RAB20: variants seen among roughly 807,000 people sequenced by gnomAD.
The protein encoded by RAB20 is ras-related protein Rab-20.
In RAB20, 2 loss-of-function variants were observed where a neutral mutation model predicts 3.7. That is an observed-to-expected ratio of 0.54 (90% CI 0.22 to 1.69). RAB20 has a LOEUF of 1.69. Among genes scored for constraint, RAB20 ranks in the 40% most tolerant of loss-of-function variants. RAB20 has a pLI of 0.19. For synonymous variants in RAB20, 126 were observed against 130.8 expected (o/e 0.96, Z 0.25); for missense variants, 276 against 311.9 (o/e 0.88, Z 0.87).
intron 1 of RAB20, among the ~76,000 whole-genome samples, chr13:110,552,079 A>T (rs1566591089): frequency 1.3e-5 from 2 of 152,014 alleles, no homozygotes; most frequent in Admixed American, 6.6e-5. Context: ...CCTGTCTCAA[A>T]AAATAAATAA....
At chr13:110,561,228 G>A (rs1885123201) in intron 1 of RAB20, 120 bp downstream of exon 1, 1 of 1,259,622 alleles carries the variant, frequency 7.9e-7, no homozygotes, top group East Asian at 3.0e-5. Context: ...CCCCGAGAAG[G>A]AGGCATTTGC....
chr13:110,530,696 C>T (rs1884522053), intron 1 of RAB20, among the ~76,000 whole-genome samples: 1 of 141,022 alleles, frequency 7.1e-6, no homozygotes, highest in Non-Finnish European at 1.5e-5. Flanking sequence ...AGGTCCCACC[C>T]GCCCCACCTC....
chr13:110,544,361 G>A (rs1247881760), intron 1 of RAB20, among the ~76,000 whole-genome samples: 1 of 152,140 alleles, frequency 6.6e-6, no homozygotes, highest in Non-Finnish European at 1.5e-5. Context: ...TCAAAATTGA[G>A]CAAGAATTTT....
intron 1 of RAB20, among the ~76,000 whole-genome samples, chr13:110,546,711 T>A (rs202176315): frequency 7.3e-6 from 1 of 136,496 alleles, no homozygotes; most frequent in Non-Finnish European, 1.6e-5. Context: ...TTTTTTTTTG[T>A]TTTTTGGGTT....
At chr13:110,534,548 A>G (rs956667383) in intron 1 of RAB20, among the ~76,000 whole-genome samples, 1 of 152,216 alleles carries the variant, frequency 6.6e-6, no homozygotes, top group African/African-American at 2.4e-5. Context: ...GTGGCATGAC[A>G]GGGGCTTTTC....
intron 1 of RAB20, among the ~76,000 whole-genome samples, chr13:110,528,650 C>T (rs1021633049): frequency 1.3e-5 from 2 of 152,152 alleles, no homozygotes; most frequent in African/African-American, 4.8e-5. Flanking sequence ...GTTTTCAAGT[C>T]TCTGTTACAT....
At chr13:110,558,088 C>A (rs1372252579) in intron 1 of RAB20, among the ~76,000 whole-genome samples, 1 of 152,246 alleles carries the variant, frequency 6.6e-6, no homozygotes, top group Non-Finnish European at 1.5e-5. Context: ...ACCGGGGAGC[C>A]TCAGTTTATA....
intron 1 of RAB20, among the ~76,000 whole-genome samples, chr13:110,556,027 G>C (rs1256187231): frequency 1.3e-5 from 2 of 152,224 alleles, no homozygotes; most frequent in African/African-American, 2.4e-5. Flanking sequence ...TGAGAACCTT[G>C]CCAGTGTTAA....
intron 1 of RAB20, among the ~76,000 whole-genome samples, chr13:110,560,588 T>C (rs1299389008): frequency 6.6e-6 from 1 of 152,218 alleles, no homozygotes; most frequent in Non-Finnish European, 1.5e-5. Context: ...CAATATCTTA[T>C]TCTTTTGTAA....
chr13:110,549,758 T>C (rs1455228859), intron 1 of RAB20, among the ~76,000 whole-genome samples: 1 of 151,970 alleles, frequency 6.6e-6, no homozygotes, highest in Non-Finnish European at 1.5e-5. Flanking sequence ...TCTTGCTCTG[T>C]TGCCCGGGCT....
At chr13:110,538,238 CAAAAAA>C (rs570075617) in intron 1 of RAB20, among the ~76,000 whole-genome samples, 1 of 78,528 alleles carries the variant, frequency 1.3e-5, no homozygotes, top group Admixed American at 1.4e-4. Context: ...GACCTTGTCT[CAAAAAA>C]AAAAAAAAAA....
chr13:110,524,784 A>G (rs1284488669), intron 1 of RAB20, among the ~76,000 whole-genome samples: 3 of 152,174 alleles, frequency 2.0e-5, no homozygotes, highest in African/African-American at 7.2e-5. Context: ...AGAATCACAC[A>G]GCACCCTGCG....
chr13:110,544,014 C>T (rs1392512892), intron 1 of RAB20, among the ~76,000 whole-genome samples: 6 of 152,054 alleles, frequency 3.9e-5, no homozygotes, highest in African/African-American at 1.4e-4. Context: ...CTGACTTAAG[C>T]GATCCACCCA....
chr13:110,524,066 C>T lies in RAB20; in HGVS notation c.304G>A (p.Ala102Thr). The T allele has an allele frequency of 6.2e-7, 1 of 1,614,016 alleles. No individual in the cohort carries two copies. The highest frequency in any genetic ancestry group is 8.5e-7 in the Non-Finnish European group (1 of 1,180,040). Residue 102 changes from alanine to threonine, a missense_variant, in exon 2 of 2, where the codon GCC becomes ACC. Physicochemically the swap from Ala to Thr is moderately conservative, Grantham distance 58. Transcript: ENST00000267328. ...ATGGCAAAGAGGCAGTCTTTGCTGG[C>T]TGTGTCTGTCAGGCCCAGGAACCGG... ...EDRFLGLTDTASKDCLFAIVG... is the reference protein window; with the variant it reads ...EDRFLGLTDTTSKDCLFAIVG...
chr13:110,558,542 C>G (rs1233681676), intron 1 of RAB20, among the ~76,000 whole-genome samples: 1 of 151,748 alleles, frequency 6.6e-6, no homozygotes, highest in East Asian at 1.9e-4. Flanking sequence ...AGCCACCACA[C>G]CCAGCTAATT....
rs563166727 is a variant in RAB20, at chr13:110,557,215, T to C, written c.172+4133A>G. ...TGTGGTGCCAGAGAGCTCAGCTGAG[T>C]CGTGCCCCACAGCTGTGAGGGAAGC... On this transcript the variant is annotated intron_variant, in intron 1 of 1. Transcript: ENST00000267328. 6.6e-5 allele frequency among the ~76,000 whole-genome samples: 10 copies of C among 152,158 alleles called. No homozygotes were observed. In the East Asian group the frequency reaches 1.9e-3, roughly 29 times the overall value.
rs568318809 is a variant in RAB20, at chr13:110,548,437, T to C, written c.172+12911A>G. On this transcript the variant is annotated intron_variant, in intron 1 of 1. Transcript: ENST00000267328. The stretch of plus-strand genomic sequence containing the variant: ...AGGTGGAGGTTGCAGTGAGCCGAGA[T>C]CACACCACTGTACTCCAGCCTGGGC... Among the ~76,000 whole-genome samples the C allele has an allele frequency of 4.0e-5, 6 of 150,024 alleles. No individual in the cohort carries two copies. In the South Asian group the frequency reaches 8.5e-4, roughly 21 times the overall value.
intron 1 of RAB20, among the ~76,000 whole-genome samples, chr13:110,524,873 A>G (rs1396103911): frequency 6.6e-6 from 1 of 152,216 alleles, no homozygotes; most frequent in Non-Finnish European, 1.5e-5. Flanking sequence ...GCCAGGCCCC[A>G]GCATTCGCAC....
At chr13:110,557,122 A>G (rs1160582222) in intron 1 of RAB20, among the ~76,000 whole-genome samples, 1 of 152,186 alleles carries the variant, frequency 6.6e-6, no homozygotes, top group Non-Finnish European at 1.5e-5. Flanking sequence ...CACCAGAAGG[A>G]GCCAATTACA....
Sources: gnomAD v4.1 joint callset for allele counts (sites outside exome capture counted in the v4.1 genomes callset) on GRCh38, gnomAD v4.1.1 for gene constraint, MANE v1.5 for transcripts, NCBI Gene and HGNC (gene_info 2026-07-23, HGNC 2026-07-21) for gene names.